KCNQ3: variants seen among roughly 807,000 people sequenced by gnomAD.
KCNQ3 encodes the protein potassium voltage-gated channel subfamily Q member 3.
In KCNQ3, 30 loss-of-function variants were observed where a neutral mutation model predicts 92.5. That is an observed-to-expected ratio of 0.32 (90% CI 0.24 to 0.44). The LOEUF (loss-of-function observed/expected upper bound fraction) is 0.44. KCNQ3 is among the 20% of genes least tolerant of loss of function. The pLI is 1.00. For synonymous variants in KCNQ3, 450 were observed against 468.8 expected (o/e 0.96, Z 0.52); for missense variants, 913 against 1,140.3 (o/e 0.80, Z 2.87).
intron 1 of KCNQ3, among the ~76,000 whole-genome samples, chr8:132,280,813 T>C (rs2130526880): frequency 6.6e-6 from 1 of 152,346 alleles, no homozygotes; most frequent in East Asian, 1.9e-4. Flanking sequence ...TTCATTCCTC[T>C]TTTTGTTTGC....
intron 1 of KCNQ3, among the ~76,000 whole-genome samples, chr8:132,357,151 C>T (rs73710557): frequency 0.018 from 2,787 of 152,268 alleles, 75 homozygotes; most frequent in African/African-American, 0.058. Context: ...GCTACTCACC[C>T]AGTCAGACCA....
At chr8:132,247,393 G>C (rs1404481328) in intron 1 of KCNQ3, among the ~76,000 whole-genome samples, 2 of 152,162 alleles carry the variant, frequency 1.3e-5, no homozygotes, top group Non-Finnish European at 2.9e-5. Flanking sequence ...AGTCCTGATT[G>C]AATCTCTCTA....
intron 1 of KCNQ3, among the ~76,000 whole-genome samples, chr8:132,443,593 A>T (rs1821595297): frequency 6.6e-6 from 1 of 151,720 alleles, no homozygotes; most frequent in Admixed American, 6.6e-5. Context: ...CTCCAAACAC[A>T]CCCCTCCCCA....
At chr8:132,461,368 G>A (rs767117206) in intron 1 of KCNQ3, among the ~76,000 whole-genome samples, 16 of 151,934 alleles carry the variant, frequency 1.1e-4, no homozygotes, top group African/African-American at 3.6e-4. Flanking sequence ...GTTCGAGACC[G>A]GCCTGGCCAA....
rs535327508 is a variant in KCNQ3 at position 132,417,477 on chromosome 8, A to G, written c.386+62670T>C. Among the ~76,000 whole-genome samples the G allele has an allele frequency of 1.4e-4, 21 of 152,342 alleles. No homozygotes were observed. In the East Asian group the frequency reaches 2.7e-3, roughly 20 times the overall value. On this transcript the variant is annotated intron_variant, in intron 1 of 14. Coordinates refer to ENST00000388996, the MANE Select transcript of KCNQ3 (RefSeq NM_004519.4). ...GTGAAATTTACAAGTTGAGTCTCCC[A>G]TGGGTGGAGAATAGATTTGGAGAGG...
At chr8:132,388,056 A>G (rs1164294581) in intron 1 of KCNQ3, among the ~76,000 whole-genome samples, 2 of 151,668 alleles carry the variant, frequency 1.3e-5, no homozygotes, top group Non-Finnish European at 2.9e-5. Context: ...AAGAAGAAGA[A>G]GAGAAGAAGA....
intron 9 of KCNQ3, among the ~76,000 whole-genome samples, chr8:132,144,514 C>T (rs1825394563): frequency 6.6e-6 from 1 of 152,284 alleles, no homozygotes; most frequent in East Asian, 1.9e-4. Context: ...AGATTTTCTT[C>T]GAAAGCTAGG....
intron 9 of KCNQ3, among the ~76,000 whole-genome samples, chr8:132,154,747 T>C (rs1324828876): frequency 1.3e-5 from 2 of 152,202 alleles, no homozygotes; most frequent in Non-Finnish European, 2.9e-5. Flanking sequence ...CGGGAACCCC[T>C]CTCACTTTGC....
intron 1 of KCNQ3, among the ~76,000 whole-genome samples, chr8:132,437,236 C>T (rs534780692): frequency 2.7e-5 from 4 of 150,618 alleles, no homozygotes; most frequent in Admixed American, 6.6e-5. Context: ...GCCGAGATTG[C>T]GCCACTGCAC....
chr8:132,260,161 G>A (rs1815731723), intron 1 of KCNQ3, among the ~76,000 whole-genome samples: 1 of 152,108 alleles, frequency 6.6e-6, no homozygotes, highest in African/African-American at 2.4e-5. Context: ...GCTTCAATTC[G>A]ATTTGTATTC....
At chr8:132,409,561 C>T (rs570160627) in intron 1 of KCNQ3, among the ~76,000 whole-genome samples, 1 of 152,312 alleles carries the variant, frequency 6.6e-6, no homozygotes, top group East Asian at 1.9e-4. Context: ...ACTGTCTGTG[C>T]ATCTCACTGG....
chr8:132,459,720 A>G (rs948688371), intron 1 of KCNQ3, among the ~76,000 whole-genome samples: 2 of 151,414 alleles, frequency 1.3e-5, no homozygotes, highest in Non-Finnish European at 2.9e-5. Context: ...CTCCATTATA[A>G]AGTTTTCTTT....
At chr8:132,225,037 A>G (rs971779412) in intron 1 of KCNQ3, among the ~76,000 whole-genome samples, 1 of 152,228 alleles carries the variant, frequency 6.6e-6, no homozygotes, top group African/African-American at 2.4e-5. Context: ...CATTTATAGT[A>G]AAGAATGAGA....
intron 1 of KCNQ3, among the ~76,000 whole-genome samples, chr8:132,320,829 A>T (rs1817874847): frequency 6.6e-6 from 1 of 152,200 alleles, no homozygotes. Flanking sequence ...CATGTTTGCC[A>T]CTTCTCAGCA....
chr8:132,233,856 CA>C (rs554219713), intron 1 of KCNQ3, among the ~76,000 whole-genome samples: 124 of 149,352 alleles, frequency 8.3e-4, no homozygotes, highest in Non-Finnish European at 1.4e-3. Flanking sequence ...GAGAAGCGGG[CA>C]AAAAAAAATA....
chr8:132,302,924 A>G (rs1166707805), intron 1 of KCNQ3, among the ~76,000 whole-genome samples: 1 of 152,180 alleles, frequency 6.6e-6, no homozygotes, highest in African/African-American at 2.4e-5. Context: ...AACCTATTGA[A>G]TTGTATCACA....
chr8:132,195,828 C>T (rs751855422), intron 1 of KCNQ3, among the ~76,000 whole-genome samples: 6 of 152,104 alleles, frequency 3.9e-5, no homozygotes, highest in Non-Finnish European at 5.9e-5. Flanking sequence ...AAATGCTATT[C>T]CTCGCAAACA....
Position 132,432,796 on chromosome 8 carries a change from A to C in KCNQ3, c.386+47351T>G, listed in dbSNP as rs78586967. 3.3e-5 allele frequency among the ~76,000 whole-genome samples: 5 copies of C among 152,316 alleles called. No individual in the cohort carries two copies. In the East Asian group the frequency reaches 7.7e-4, roughly 24 times the overall value. ...TCACTTAAAAATGCCTGTCTTCTTC[A>C]CCAGAATAAAAGCTTCACGAGGGCA... On this transcript the variant is annotated intron_variant, in intron 1 of 14. Transcript: ENST00000388996.
At chr8:132,382,443 T>A (rs1819777689) in intron 1 of KCNQ3, among the ~76,000 whole-genome samples, 1 of 152,150 alleles carries the variant, frequency 6.6e-6, no homozygotes, top group African/African-American at 2.4e-5. Flanking sequence ...AGTAAAAGCT[T>A]CCTGAGGCTT....
Sources: gnomAD v4.1 joint callset for allele counts (sites outside exome capture counted in the v4.1 genomes callset) on GRCh38, gnomAD v4.1.1 for gene constraint, MANE v1.5 for transcripts, NCBI Gene and HGNC (gene_info 2026-07-23, HGNC 2026-07-21) for gene names.